The following NPS variants were observed in gnomAD, a reference collection of about 807,000 sequenced individuals.
NPS encodes the protein prepro-neuropeptide S.
NPS carries 6 observed loss-of-function variants against 7.2 expected under a neutral mutation model. The ratio of observed to expected loss-of-function variants is 0.83; its 90% CI spans 0.46 to 1.64. The LOEUF is 1.64. NPS is among the 40% of genes most tolerant of loss of function. The probability of loss-of-function intolerance (pLI) is 0.01; values close to 1 mark genes in which losing one functional copy is unlikely to be tolerated. For synonymous variants in NPS, 42 were observed against 36.7 expected, an observed-to-expected ratio of 1.14 and a Z score of -0.52; for missense variants, 123 against 97.8, an observed-to-expected ratio of 1.26 and a Z score of -1.09.
chr10:127,550,118 C>T (rs1844844388), intron 2 of NPS, among the ~76,000 whole-genome samples: 1 of 152,006 alleles, frequency 6.6e-6, no homozygotes, highest in Non-Finnish European at 1.5e-5. Flanking sequence ...AATATTATTT[C>T]TACATAATAT....
intron 2 of NPS, among the ~76,000 whole-genome samples, chr10:127,551,958 C>G (rs1245544979): frequency 6.6e-6 from 1 of 152,182 alleles, no homozygotes; most frequent in Non-Finnish European, 1.5e-5. Context: ...TATCCAGCCT[C>G]GAGCCAGTGA....
At position 127,552,911 on chromosome 10, in the gene NPS, C is replaced by G. The variant is rs10830125; in HGVS notation, c.*272C>G. On this transcript the variant is annotated 3_prime_UTR_variant, in exon 3 of 3. Transcript: ENST00000398023. ...GAATGGGATGGACACTTTTGCTTTG[C>G]TTTTAACTTGGCCAGAAAGCATGAG... Among the ~76,000 whole-genome samples the G allele has an allele frequency of 0.37, 56,213 of 152,004 alleles. 11,866 individuals are homozygous for G. The highest frequency in any genetic ancestry group is 0.58 in the African/African-American group (24,237 of 41,442).
At chr10:127,552,370 C>T (rs1473778235) in intron 2 of NPS, 90 bp from the exon 3 acceptor site, 22 of 725,484 alleles carry the variant, frequency 3.0e-5, no homozygotes, top group South Asian at 1.5e-4. Flanking sequence ...TTGGATTTAT[C>T]GCCATACGAT....
Position 127,553,026 on chromosome 10 carries a change from A to G in NPS, c.*387A>G, listed in dbSNP as rs777752523. ...ACTGTGATATTTGTTTTTCTTTTTAATACCGTTTTCTCAAATGACTTAACA... is the reference window on the plus strand; with the variant it reads ...ACTGTGATATTTGTTTTTCTTTTTAGTACCGTTTTCTCAAATGACTTAACA... On this transcript the variant is annotated 3_prime_UTR_variant, in exon 3 of 3. Coordinates refer to ENST00000398023, the MANE Select transcript of NPS (RefSeq NM_001030013.2). 6.6e-6 allele frequency among the ~76,000 whole-genome samples: 1 copy of G among 151,954 alleles called. No homozygotes were observed. Among genetic ancestry groups the G allele is most frequent in the Non-Finnish European group, 1.5e-5 (1 of 68,004 alleles).
At chr10:127,550,221 C>T (rs1384182346) in intron 2 of NPS, among the ~76,000 whole-genome samples, 3 of 151,968 alleles carry the variant, frequency 2.0e-5, no homozygotes, top group African/African-American at 7.3e-5. Flanking sequence ...TTCACTAAAA[C>T]GTAACCTGTC....
In NPS at chr10:127,552,630, A is replaced by C. The variant is rs2134878573; in HGVS notation, c.261A>C (p.Ala87=). ...TGMKKTSFQR[A]KS The stretch of plus-strand genomic sequence containing the variant: ...TGAAAAAAACTTCCTTTCAAAGAGC[A>C]AAATCATGACTAAGTGTGCAAAGGA... The change falls in exon 3 of 3, where the codon GCA becomes GCC. Residue 87 remains alanine, a synonymous_variant. Transcript: ENST00000398023. 2 of 1,610,468 alleles carry C rather than the reference A, an allele frequency of 1.2e-6. No homozygotes were observed. The highest frequency in any genetic ancestry group is 2.2e-5 in the East Asian group (1 of 44,850).
chr10:127,551,341 G>T (rs970615846), intron 2 of NPS, among the ~76,000 whole-genome samples: 4 of 151,960 alleles, frequency 2.6e-5, no homozygotes, highest in African/African-American at 9.7e-5. Flanking sequence ...CCCACGCGTG[G>T]GTGAAGAATT....
rs977798457 is a variant in NPS, at chr10:127,552,821, C to T, written c.*182C>T. ...AAAAAAAATGTAAACATGTCTCAAA[C>T]CTGTCTCAAACTTCCACTTGTGAGA... On this transcript the variant is annotated 3_prime_UTR_variant, in exon 3 of 3. Transcript: ENST00000398023. 2.6e-5 allele frequency among the ~76,000 whole-genome samples: 4 copies of T among 152,090 alleles called. No individual in the cohort carries two copies. Among genetic ancestry groups the T allele is most frequent in the Non-Finnish European group, 5.9e-5 (4 of 68,012 alleles).
Position 127,552,951 on chromosome 10 carries a change from T to A in NPS, c.*312T>A, listed in dbSNP as rs1163863432. On this transcript the variant is annotated 3_prime_UTR_variant, in exon 3 of 3. Transcript: ENST00000398023. ...GAAAGCATGAGCATGTTGACAGTCA[T>A]CACGATAGTATGATTTTTTTTTTCC... Among the ~76,000 whole-genome samples the A allele has an allele frequency of 1.3e-5, 2 of 151,362 alleles. No individual in the cohort carries two copies. The highest frequency in any genetic ancestry group is 2.9e-5 in the Non-Finnish European group (2 of 68,032).
Position 127,552,781 on chromosome 10 carries a change from A to G in NPS, c.*142A>G, listed in dbSNP as rs1844870401. 1 of 528,056 alleles carries G rather than the reference A, an allele frequency of 1.9e-6. No individual in the cohort carries two copies. Among genetic ancestry groups the G allele is most frequent in the South Asian group, 3.6e-5 (1 of 27,862 alleles). 32.7% of individuals were successfully genotyped at this position (528,056 alleles called of 1,614,324 possible). On this transcript the variant is annotated 3_prime_UTR_variant, in exon 3 of 3. Coordinates refer to ENST00000398023, the MANE Select transcript of NPS (RefSeq NM_001030013.2). Reference sequence around the variant, plus strand: ...TCCTCTCCTGACTGGTACAGAGTAAATTGAGTAAAAAAAGAAAAAAAATGT... The same window carrying G: ...TCCTCTCCTGACTGGTACAGAGTAAGTTGAGTAAAAAAAGAAAAAAAATGT...
At chr10:127,551,169 A>G (rs766994133) in intron 2 of NPS, among the ~76,000 whole-genome samples, 1 of 152,082 alleles carries the variant, frequency 6.6e-6, no homozygotes, top group Non-Finnish European at 1.5e-5. Context: ...TACATAGTGG[A>G]TGTCCGACTA....
chr10:127,549,696 G>A, intron 2 of NPS, 126 bp downstream of exon 2: 2 of 642,104 alleles, frequency 3.1e-6, no homozygotes, highest in Non-Finnish European at 5.5e-6. Flanking sequence ...AGTTCTCAAT[G>A]GGAAAAAGTC....
At chr10:127,552,320 G>A (rs1844865355) in intron 2 of NPS, 140 bp from the exon 3 acceptor site, 3 of 638,302 alleles carry the variant, frequency 4.7e-6, no homozygotes, top group Non-Finnish European at 8.4e-6. Flanking sequence ...AGTAGATATT[G>A]TGTTTTAGCA....
intron 2 of NPS, among the ~76,000 whole-genome samples, chr10:127,551,369 C>T (rs1175403377): frequency 1.3e-5 from 2 of 152,092 alleles, no homozygotes; most frequent in African/African-American, 4.8e-5. Flanking sequence ...ACGCTTTATG[C>T]ACTCTGGCCC....
intron 2 of NPS, among the ~76,000 whole-genome samples, chr10:127,551,660 C>T (rs1844860350): frequency 6.6e-6 from 1 of 152,086 alleles, no homozygotes; most frequent in Non-Finnish European, 1.5e-5. Flanking sequence ...CTGTGCTTTG[C>T]ATTATTGGTG....
rs541124555 is a variant in NPS at position 127,549,682 on chromosome 10, T to C, written c.90+112T>C. Reference sequence around the variant, plus strand: ...GACAGAAAAGTAATTTCCTTTATTATTAGAGTTCTCAATGGGAAAAAGTCA... The same window carrying C: ...GACAGAAAAGTAATTTCCTTTATTACTAGAGTTCTCAATGGGAAAAAGTCA... On this transcript the variant is annotated intron_variant, in intron 2 of 2. Coordinates refer to ENST00000398023, the MANE Select transcript of NPS (RefSeq NM_001030013.2). The C allele has an allele frequency of 7.1e-5, 50 of 705,170 alleles. No homozygotes were observed. In the African/African-American group the frequency reaches 8.9e-4, roughly 13 times the overall value. The allele number at this position is 705,170 out of a possible 1,614,324, so 43.7% of individuals were successfully genotyped here. A position where few individuals can be genotyped will look rare whatever the true frequency, so the allele number is the denominator to read the frequency against.
chr10:127,552,787 T>TAA lies in NPS; in HGVS notation c.*154_*155dup. On this transcript the variant is annotated 3_prime_UTR_variant, in exon 3 of 3. Coordinates refer to ENST00000398023, the MANE Select transcript of NPS (RefSeq NM_001030013.2). ...CCTGACTGGTACAGAGTAAATTGAG[T>TAA]AAAAAAAGAAAAAAAATGTAAACAT... The TAA allele has an allele frequency of 2.1e-6, 1 of 478,132 alleles. No homozygotes were observed. The highest frequency in any genetic ancestry group is 3.7e-6 in the Non-Finnish European group (1 of 273,378). 29.6% of individuals were successfully genotyped at this position (478,132 alleles called of 1,614,324 possible). A position where few individuals can be genotyped will look rare whatever the true frequency, so the allele number is the denominator to read the frequency against.
chr10:127,549,666 G>A, intron 2 of NPS, 96 bp downstream of exon 2: 1 of 792,588 alleles, frequency 1.3e-6, no homozygotes, highest in Non-Finnish European at 2.2e-6. Flanking sequence ...TGACAGAAAA[G>A]TAATTTCCTT....
chr10:127,550,638 T>C (rs1171121217), intron 2 of NPS, among the ~76,000 whole-genome samples: 4 of 152,372 alleles, frequency 2.6e-5, no homozygotes, highest in Middle Eastern at 3.4e-3. Flanking sequence ...GAATGTACTT[T>C]GTTCTAAAAT....
Sources: allele counts gnomAD v4.1 joint callset (sites outside exome capture counted in the v4.1 genomes callset), GRCh38; gene constraint gnomAD v4.1.1; transcripts MANE v1.5; gene names NCBI Gene and HGNC (gene_info 2026-07-23, HGNC 2026-07-21).